The following TTC39A variants were observed in gnomAD, a reference collection of about 807,000 sequenced individuals.
The protein encoded by TTC39A is tetratricopeptide repeat protein 39A.
A neutral mutation model predicts 82.3 loss-of-function variants in TTC39A; 46 were observed. That is an observed-to-expected ratio of 0.56 (90% CI 0.44 to 0.71). The LOEUF is 0.71. TTC39A is among the 30% of genes least tolerant of loss of function. TTC39A has a pLI of 0.00. For missense variants in TTC39A, 543 were observed against 712.9 expected (o/e 0.76, Z 2.71); for synonymous variants, 254 against 275.2 (o/e 0.92, Z 0.76).
chr1:51,302,250 C>T (rs757371898), intron 11 of TTC39A, 107 bp downstream of exon 11: 23 of 580,672 alleles, frequency 4.0e-5, no homozygotes, highest in African/African-American at 7.9e-5. Context: ...GCCCCCCCCC[C>T]GCCCCCAGTC....
Position 51,330,213 on chromosome 1 carries a change from G to T in TTC39A, c.41+224C>A. The T allele has an allele frequency of 1.0e-6, 1 of 985,504 alleles. No individual in the cohort carries two copies. Among genetic ancestry groups the T allele is most frequent in the South Asian group, 4.7e-5 (1 of 21,288 alleles). The allele number at this position is 985,504 out of a possible 1,614,324, so 61.0% of individuals were successfully genotyped here. ...TCCGTGAGAAAGTTGGGACCCAGAA[G>T]GTGAGTGACCGACCCGGGGTCCCCG... On this transcript the variant is annotated intron_variant, in intron 1 of 17. Coordinates refer to ENST00000680483, the MANE Select transcript of TTC39A (RefSeq NM_001297663.2). This position sits in a 1 kb window ranked among gnomAD's most constrained non-coding sequence, Gnocchi z 4.5.
chr1:51,303,564 A>G (rs1305171441), intron 8 of TTC39A, among the ~76,000 whole-genome samples: 1 of 152,154 alleles, frequency 6.6e-6, no homozygotes, highest in African/African-American at 2.4e-5. Context: ...CCATGGGCTC[A>G]GGGCATAGGT....
At position 51,294,299 on chromosome 1, in the gene TTC39A, TCTC is replaced by T; in HGVS notation, c.1266+89_1266+91del. ...CAGGCCCCTGAGGCATGAAGGTCTT[TCTC>T]CTCATCCACCTCCCCCTGGCTGTGG... On this transcript the variant is annotated intron_variant, in intron 14 of 17. Coordinates refer to ENST00000680483, the MANE Select transcript of TTC39A (RefSeq NM_001297663.2). The surrounding 1 kb of genome is among the most constrained non-coding windows in gnomAD (Gnocchi z 4.3). The T allele has an allele frequency of 6.3e-7, 1 of 1,586,276 alleles. No individual in the cohort carries two copies. The highest frequency in any genetic ancestry group is 1.1e-5 in the South Asian group (1 of 88,390).
chr1:51,303,233 AG>A, intron 8 of TTC39A, 41 bp from the exon 9 acceptor site: 1 of 1,519,288 alleles, frequency 6.6e-7, no homozygotes, highest in South Asian at 1.2e-5. Context: ...CAGAGAGGGC[AG>A]GGGCCTGGGA....
At position 51,312,176 on chromosome 1, in the gene TTC39A, CAGA is replaced by C. The variant is rs766423239; in HGVS notation, c.295_297del (p.Ser99del). The C allele has an allele frequency of 6.2e-7, 1 of 1,609,688 alleles. No homozygotes were observed. The highest frequency in any genetic ancestry group is 1.7e-5 in the Admixed American group (1 of 59,470). Reference sequence around the variant, plus strand: ...ACCAGGCTGCTGAAGGAATCTGTTACAGAAGACTTCCTCCGGTGCCTGAAGAGG... The same window carrying C: ...ACCAGGCTGCTGAAGGAATCTGTTACAGACTTCCTCCGGTGCCTGAAGAGG... On this transcript the variant is annotated inframe_deletion, in exon 4 of 18. Coordinates refer to ENST00000680483, the MANE Select transcript of TTC39A (RefSeq NM_001297663.2).
chr1:51,293,911 T>G (rs887437864), intron 14 of TTC39A, among the ~76,000 whole-genome samples: 5 of 152,222 alleles, frequency 3.3e-5, no homozygotes, highest in Admixed American at 3.3e-4. Flanking sequence ...AGGGTTGATG[T>G]GAGTCTCAAA....
chr1:51,338,728 A>T (rs1273576949), intron 1 of TTC39A, among the ~76,000 whole-genome samples: 1 of 146,180 alleles, frequency 6.8e-6, no homozygotes, highest in African/African-American at 2.6e-5. Context: ...TCAGCCTCCC[A>T]AGTAGCTGGG....
Position 51,301,605 on chromosome 1 carries a change from G to T in TTC39A, c.1020C>A (p.Ala340=). 6.2e-7 allele frequency: 1 copy of T among 1,612,418 alleles called. No homozygotes were observed. ...AGCAGTTCTCCTTGCTGAGCAGGTC[G>T]GCGTAGAAGTAGGACATCTTCCACT... ...KGQWKMSYFY[A]DLLSKENCWS... Residue 340 remains alanine (A), a synonymous_variant, in exon 12 of 18, where the codon GCC becomes GCA. Transcript: ENST00000680483.
chr1:51,311,075 A>G (rs1569893751), intron 5 of TTC39A, among the ~76,000 whole-genome samples, 179 bp downstream of exon 5: 1 of 152,242 alleles, frequency 6.6e-6, no homozygotes, highest in East Asian at 1.9e-4. Flanking sequence ...GATGCCCATC[A>G]CTTCCCTTTG....
chr1:51,308,882 G>A (rs1644975581), intron 6 of TTC39A, among the ~76,000 whole-genome samples: 1 of 152,148 alleles, frequency 6.6e-6, no homozygotes, highest in African/African-American at 2.4e-5. Context: ...GGCTTCATGG[G>A]GAAAGTGGCA....
intron 1 of TTC39A, among the ~76,000 whole-genome samples, chr1:51,326,983 G>A (rs1226022105): frequency 6.6e-6 from 1 of 152,250 alleles, no homozygotes; most frequent in East Asian, 1.9e-4. Flanking sequence ...CTCTCATTCA[G>A]ATCCCACCCA....
Position 51,296,181 on chromosome 1 carries a change from C to T in TTC39A, c.1054-11G>A. ...GTAAATGTAGGTGGCCTGTGCGAGA[C>T]AGAGCAACAGCCAGGTGTGAGCAGC... On this transcript the variant is annotated splice_polypyrimidine_tract_variant and intron_variant, in intron 12 of 17. Coordinates refer to ENST00000680483, the MANE Select transcript of TTC39A (RefSeq NM_001297663.2). 1 of 1,578,184 alleles carries T rather than the reference C, an allele frequency of 6.3e-7. No homozygotes were observed. The highest frequency in any genetic ancestry group is 8.6e-7 in the Non-Finnish European group (1 of 1,161,832).
Position 51,306,008 on chromosome 1 carries a change from C to T in TTC39A, c.557G>A (p.Gly186Glu), listed in dbSNP as rs1371696977. The T allele has an allele frequency of 1.2e-6, 2 of 1,614,018 alleles. 1 individual carries two copies. The highest frequency in any genetic ancestry group is 2.2e-5 in the South Asian group (2 of 91,084). ...GAAGGCCCCTACACCAAGCTTCACT[C>T]CTCCTTCAAAGTGCGGGTGGTTCTC... ...KGENHPHFEGGVKLGVGAFNL... is the reference protein window; with the variant it reads ...KGENHPHFEGEVKLGVGAFNL... The change falls in exon 7 of 18, where the codon GGA (glycine) becomes GAA (glutamate). Residue 186 changes from glycine (G) to glutamate (E), a missense_variant. By Grantham distance (98) the Gly-to-Glu change is moderately conservative (BLOSUM62 -2). Transcript: ENST00000680483.
In TTC39A at chr1:51,330,473, G is replaced by A; in HGVS notation, c.5C>T (p.Thr2Ile). M[T>I]SAGGAPGALP... ...GGCTCCTGGGGCGCCGCCAGCCGAG[G>A]TCATCGCCGAGGGGCGCGGGCGGCG... Residue 2 changes from threonine (T) to isoleucine (I), a missense_variant, in exon 1 of 18, where the codon ACC becomes ATC. Thr to Ile is a moderately conservative substitution (Grantham distance 89). Coordinates refer to ENST00000680483, the MANE Select transcript of TTC39A (RefSeq NM_001297663.2). This position sits in a 1 kb window ranked among gnomAD's most constrained non-coding sequence, Gnocchi z 4.5. 1 of 983,910 alleles carries A rather than the reference G, an allele frequency of 1.0e-6. No individual in the cohort carries two copies. The allele number at this position is 983,910 out of a possible 1,614,324, so 60.9% of individuals were successfully genotyped here.
In TTC39A at chr1:51,312,843, T is replaced by A; in HGVS notation, c.247A>T (p.Met83Leu). 6.2e-7 allele frequency: 1 copy of A among 1,613,940 alleles called. No individual in the cohort carries two copies. Among genetic ancestry groups the A allele is most frequent in the East Asian group, 2.2e-5 (1 of 44,880 alleles). The stretch of plus-strand genomic sequence containing the variant: ...CACAGCATCTGTGCCTCCTTCATCA[T>A]GTTGCCGGCAAGCAGGATGTCCTGA... ...DPQDILLAGNMMKEAQMLCQR... is the reference protein window; with the variant it reads ...DPQDILLAGNLMKEAQMLCQR... The change falls in exon 3 of 18, where the codon ATG (methionine) becomes TTG (leucine). Residue 83 changes from methionine (M) to leucine (L), a missense_variant. Met to Leu is a conservative substitution (Grantham distance 15). Transcript: ENST00000680483.
chr1:51,335,650 C>G (rs1645965796), upstream of TTC39A, among the ~76,000 whole-genome samples: 1 of 151,920 alleles, frequency 6.6e-6, no homozygotes. Flanking sequence ...AGCATTACCT[C>G]CCATCCTACA....
intron 1 of TTC39A, among the ~76,000 whole-genome samples, chr1:51,337,555 T>C (rs987318870): frequency 9.9e-5 from 15 of 151,762 alleles, no homozygotes; most frequent in African/African-American, 3.6e-4. Context: ...GCCTCCCAAG[T>C]AGCTGAGACT....
chr1:51,306,877 G>A (rs547205843), intron 6 of TTC39A, among the ~76,000 whole-genome samples: 48 of 56,930 alleles, frequency 8.4e-4, no homozygotes, highest in African/African-American at 3.9e-3. Context: ...CCCCCCGATT[G>A]AGTCACTATG....
chr1:51,326,600 G>A (rs927775410), intron 1 of TTC39A, among the ~76,000 whole-genome samples: 6 of 152,192 alleles, frequency 3.9e-5, no homozygotes, highest in African/African-American at 1.4e-4. Flanking sequence ...ACTCAGTCCT[G>A]CCAGCAGGCA....
Sources: gnomAD v4.1 joint callset for allele counts (sites outside exome capture counted in the v4.1 genomes callset) on GRCh38, gnomAD v4.1.1 for gene constraint, Gnocchi (gnomAD v3.1) non-coding constraint, MANE v1.5 for transcripts, NCBI Gene and HGNC (gene_info 2026-07-23, HGNC 2026-07-21) for gene names.